LAMA2: variants seen among roughly 807,000 people sequenced by gnomAD.
LAMA2 encodes the protein laminin subunit alpha 2.
In LAMA2, 269 loss-of-function variants were observed where a neutral mutation model predicts 364.8. That is an observed-to-expected ratio of 0.74 (90% CI 0.67 to 0.82). The LOEUF (loss-of-function observed/expected upper bound fraction) is 0.82, where lower values mean the gene tolerates loss of function less well. Among genes scored for constraint, LAMA2 ranks in the 40% least tolerant of loss-of-function variants. The probability of loss-of-function intolerance (pLI) is 0.00; values close to 1 mark genes in which losing one functional copy is unlikely to be tolerated. For synonymous variants in LAMA2, 1,379 were observed against 1,370.6 expected, an observed-to-expected ratio of 1.01 and a Z score of -0.14; for missense variants, 3,807 against 3,873.2, an observed-to-expected ratio of 0.98 and a Z score of 0.45.
intron 1 of LAMA2, among the ~76,000 whole-genome samples, chr6:129,038,303 T>A (rs540755551): frequency 6.6e-6 from 1 of 152,226 alleles, no homozygotes; most frequent in Non-Finnish European, 1.5e-5. Context: ...TTGTCAGTTA[T>A]AATCAAGTTA....
chr6:129,163,105 T>G (rs1779537172), intron 8 of LAMA2, among the ~76,000 whole-genome samples: 1 of 152,190 alleles, frequency 6.6e-6, no homozygotes, highest in Non-Finnish European at 1.5e-5. Flanking sequence ...AGGCTATTTT[T>G]TTTATTTTTA....
chr6:129,484,091 TG>T (rs1273593991), intron 55 of LAMA2, among the ~76,000 whole-genome samples: 13 of 152,138 alleles, frequency 8.5e-5, no homozygotes, highest in African/African-American at 2.9e-4. Context: ...AGATTATGAG[TG>T]GAACTGCATT....
intron 45 of LAMA2, among the ~76,000 whole-genome samples, chr6:129,448,246 G>A (rs1313255349): frequency 1.3e-5 from 2 of 151,938 alleles, no homozygotes; most frequent in African/African-American, 4.8e-5. Context: ...TTGCACCATG[G>A]CACTCCAGCC....
intron 1 of LAMA2, chr6:128,929,561 C>A: frequency 9.7e-7 from 1 of 1,030,862 alleles, no homozygotes; most frequent in Non-Finnish European, 1.5e-6. Context: ...TCTCCATAGT[C>A]ATGAGACTTG....
intron 1 of LAMA2, among the ~76,000 whole-genome samples, chr6:129,005,324 CT>C (rs1784380270): frequency 6.6e-6 from 1 of 151,738 alleles, no homozygotes; most frequent in Non-Finnish European, 1.5e-5. Context: ...ATGCATATCT[CT>C]TTTTATAGGA....
chr6:129,287,929 T>C lies in LAMA2; in HGVS notation c.2620T>C (p.Ser874Pro), dbSNP rs770237084. ...CCAATGCAATGACAACCTTGACTTCTCCATCCCTGGCAGCTGTGACAGCTT... is the reference window on the plus strand; with the variant it reads ...CCAATGCAATGACAACCTTGACTTCCCCATCCCTGGCAGCTGTGACAGCTT... ...PCQCNDNLDF[S>P]IPGSCDSLSG... The change falls in exon 19 of 65, where the codon TCC (serine) becomes CCC (proline). Residue 874 changes from serine (S) to proline (P), a missense_variant. Coordinates refer to ENST00000421865, the MANE Select transcript of LAMA2 (RefSeq NM_000426.4). 3 of 1,614,026 alleles carry C rather than the reference T, an allele frequency of 1.9e-6. No individual in the cohort carries two copies. In the African/African-American group the frequency reaches 4.0e-5, roughly 22 times the overall value.
intron 34 of LAMA2, among the ~76,000 whole-genome samples, chr6:129,370,648 G>A (rs1778017678): frequency 6.6e-6 from 1 of 152,194 alleles, no homozygotes; most frequent in African/African-American, 2.4e-5. Flanking sequence ...TGCAAAGTAC[G>A]GATTTAATTT....
intron 12 of LAMA2, among the ~76,000 whole-genome samples, chr6:129,200,204 A>G (rs935876757): frequency 3.5e-5 from 5 of 140,974 alleles, no homozygotes; most frequent in Admixed American, 3.5e-4. Flanking sequence ...ACATGTACAC[A>G]TATACATGTG....
At chr6:128,897,665 G>A (rs1776853469) in intron 1 of LAMA2, among the ~76,000 whole-genome samples, 2 of 152,146 alleles carry the variant, frequency 1.3e-5, no homozygotes, top group Non-Finnish European at 2.9e-5. Flanking sequence ...TGTTGTTATA[G>A]CTTTTCTTCA....
intron 4 of LAMA2, among the ~76,000 whole-genome samples, chr6:129,112,667 G>A (rs1776226887): frequency 6.6e-6 from 1 of 151,464 alleles, no homozygotes; most frequent in African/African-American, 2.4e-5. Flanking sequence ...GATAAGAGAG[G>A]AAATAAGTCA....
At chr6:129,325,026 A>G (rs1471834808) in intron 28 of LAMA2, among the ~76,000 whole-genome samples, 1 of 152,176 alleles carries the variant, frequency 6.6e-6, no homozygotes, top group Non-Finnish European at 1.5e-5. Context: ...GCTCCAGCAC[A>G]AGCATCTATT....
At chr6:129,028,948 G>A (rs1786028796) in intron 1 of LAMA2, among the ~76,000 whole-genome samples, 1 of 151,858 alleles carries the variant, frequency 6.6e-6, no homozygotes, top group African/African-American at 2.4e-5. Context: ...GCCTTTGGCT[G>A]TCTTGACATG....
intron 1 of LAMA2, among the ~76,000 whole-genome samples, chr6:128,931,424 A>C (rs1436979735): frequency 6.6e-6 from 1 of 152,222 alleles, no homozygotes; most frequent in Non-Finnish European, 1.5e-5. Flanking sequence ...TGAATGAATG[A>C]ATGAATGAAT....
At chr6:129,354,105 A>G (rs1324072045) in intron 32 of LAMA2, among the ~76,000 whole-genome samples, 2 of 152,192 alleles carry the variant, frequency 1.3e-5, no homozygotes, top group African/African-American at 4.8e-5. Context: ...TTATTTTAGC[A>G]CCTTTTATTT....
At chr6:129,389,463 G>A (rs1405089811) in intron 35 of LAMA2, among the ~76,000 whole-genome samples, 1 of 152,140 alleles carries the variant, frequency 6.6e-6, no homozygotes, top group Non-Finnish European at 1.5e-5. Context: ...TGGTAGAAAG[G>A]GCAAGGGGGT....
chr6:129,119,649 G>A (rs1018384989), intron 4 of LAMA2, among the ~76,000 whole-genome samples: 1 of 152,106 alleles, frequency 6.6e-6, no homozygotes, highest in Non-Finnish European at 1.5e-5. Flanking sequence ...CCGGGTTCAC[G>A]CCATTCTCCT....
chr6:128,924,038 G>C (rs1202509577), intron 1 of LAMA2, among the ~76,000 whole-genome samples: 3 of 152,034 alleles, frequency 2.0e-5, no homozygotes, highest in Non-Finnish European at 4.4e-5. Context: ...GAGAAGTGTA[G>C]GGAACACAAG....
rs925968707 is a variant in LAMA2, at chr6:129,143,969, C to T, written c.708C>T (p.Thr236=). The T allele has an allele frequency of 2.5e-6, 4 of 1,612,052 alleles. No homozygotes were observed. The highest frequency in any genetic ancestry group is 1.3e-5 in the African/African-American group (1 of 74,780). The change falls in exon 5 of 65, where the codon ACC becomes ACT. Residue 236 remains threonine, a synonymous_variant. Transcript: ENST00000421865. ...DDPSPELLEF[T]SARYIRLRFQ... The stretch of plus-strand genomic sequence containing the variant: ...CTTCTCCAGAACTGCTAGAATTTAC[C>T]TCCGCTCGCTATATTCGCCTGAGAT...
At chr6:129,476,828 A>C (rs1427100986) in intron 53 of LAMA2, among the ~76,000 whole-genome samples, 1 of 152,184 alleles carries the variant, frequency 6.6e-6, no homozygotes, top group Non-Finnish European at 1.5e-5. Context: ...AACGAAAAGA[A>C]AACCTTGGGA....
Sources: gnomAD v4.1 joint callset for allele counts (sites outside exome capture counted in the v4.1 genomes callset) on GRCh38, gnomAD v4.1.1 for gene constraint, MANE v1.5 for transcripts, NCBI Gene and HGNC (gene_info 2026-07-23, HGNC 2026-07-21) for gene names.